Variants in DLGAP1 observed in about 807,000 individuals in gnomAD.
The protein encoded by DLGAP1 is disks large-associated protein 1.
A neutral mutation model predicts 90.8 loss-of-function variants in DLGAP1; 11 were observed. The observed-to-expected ratio is 0.12, with a 90% CI of 0.08 to 0.20. The LOEUF (loss-of-function observed/expected upper bound fraction) is 0.20, where lower values mean the gene tolerates loss of function less well. DLGAP1 is among the 10% of genes least tolerant of loss of function. The pLI is 1.00. For synonymous variants in DLGAP1, 558 were observed against 540.7 expected, an observed-to-expected ratio of 1.03 and a Z score of -0.44; for missense variants, 1,050 against 1,333.8, an observed-to-expected ratio of 0.79 and a Z score of 3.31.
intron 7 of DLGAP1, among the ~76,000 whole-genome samples, chr18:3,654,449 T>C (rs969035740): frequency 1.3e-5 from 2 of 152,196 alleles, no homozygotes; most frequent in African/African-American, 2.4e-5. Context: ...AAAATGAAAA[T>C]TGTATTTTGT....
At chr18:4,411,900 T>G (rs963009167) in intron 1 of DLGAP1, among the ~76,000 whole-genome samples, 8 of 152,164 alleles carry the variant, frequency 5.3e-5, no homozygotes, top group Admixed American at 1.3e-4. Context: ...AACCATCACT[T>G]CTGCCACATT....
intron 1 of DLGAP1, among the ~76,000 whole-genome samples, chr18:4,269,833 A>G (rs897427015): frequency 2.6e-5 from 4 of 152,190 alleles, no homozygotes; most frequent in Non-Finnish European, 5.9e-5. Context: ...AGGGCTGACT[A>G]TGAGTACTAG....
At chr18:4,355,207 C>A (rs1030034051) in intron 1 of DLGAP1, among the ~76,000 whole-genome samples, 1 of 152,132 alleles carries the variant, frequency 6.6e-6, no homozygotes, top group Non-Finnish European at 1.5e-5. Flanking sequence ...TCATAATAGC[C>A]AAAAACTGGA....
intron 9 of DLGAP1, among the ~76,000 whole-genome samples, chr18:3,547,222 AC>A (rs1186827814): frequency 3.7e-5 from 5 of 136,474 alleles, no homozygotes; most frequent in Admixed American, 8.8e-5. Context: ...AATGGCTTGA[AC>A]CCCCGGGGGC....
At chr18:4,174,936 T>G (rs1056352503) in intron 1 of DLGAP1, among the ~76,000 whole-genome samples, 2 of 152,208 alleles carry the variant, frequency 1.3e-5, no homozygotes, top group Non-Finnish European at 2.9e-5. Context: ...GTGAAGGACA[T>G]GATCTCATTT....
chr18:4,329,707 G>A (rs1244731648), intron 1 of DLGAP1, among the ~76,000 whole-genome samples: 2 of 151,888 alleles, frequency 1.3e-5, no homozygotes, highest in Non-Finnish European at 2.9e-5. Flanking sequence ...GAAAACATGG[G>A]TTGCATTTAT....
chr18:4,020,123 T>C (rs1386436848), intron 2 of DLGAP1, among the ~76,000 whole-genome samples: 1 of 152,154 alleles, frequency 6.6e-6, no homozygotes, highest in African/African-American at 2.4e-5. Flanking sequence ...AGCCTCCAAG[T>C]AGCAGGCTTC....
chr18:4,306,176 T>A (rs2080254839), intron 1 of DLGAP1, among the ~76,000 whole-genome samples: 1 of 151,520 alleles, frequency 6.6e-6, no homozygotes, highest in East Asian at 2.0e-4. Flanking sequence ...CTTAACCAGA[T>A]CCCAGGAAGG....
intron 1 of DLGAP1, among the ~76,000 whole-genome samples, chr18:4,185,336 T>C (rs1434701395): frequency 1.3e-5 from 2 of 152,088 alleles, no homozygotes; most frequent in South Asian, 2.1e-4. Flanking sequence ...ACTTGCGTCA[T>C]GGGGGTTTGT....
At chr18:4,040,999 A>T (rs1187694347) in intron 2 of DLGAP1, among the ~76,000 whole-genome samples, 1 of 152,174 alleles carries the variant, frequency 6.6e-6, no homozygotes, top group South Asian at 2.1e-4. Flanking sequence ...CTGAACAGAC[A>T]TGGAGTCCTC....
chr18:4,094,603 CTTTCTTTTTTT>C lies in DLGAP1; in HGVS notation c.-159+56566_-159+56576del, dbSNP rs1568393322. Among the ~76,000 whole-genome samples the C allele has an allele frequency of 2.4e-4, 31 of 131,054 alleles. 1 individual carries two copies. In the South Asian group the frequency reaches 7.2e-3, roughly 30 times the overall value. 86.0% of individuals were successfully genotyped at this position (131,054 alleles called of 152,430 possible). ...TATCTTCCTTCCTTCCTTCCTTTCTCTTTCTTTTTTTTTTTTTTTTGTCTTGTTTTGTCACC... is the reference window on the plus strand; with the variant it reads ...TATCTTCCTTCCTTCCTTCCTTTCTCTTTTTTTTTGTCTTGTTTTGTCACC... On this transcript the variant is annotated intron_variant, in intron 2 of 12. Coordinates refer to ENST00000315677, the MANE Select transcript of DLGAP1 (RefSeq NM_004746.4).
chr18:4,257,272 T>A (rs2078907262), intron 1 of DLGAP1, among the ~76,000 whole-genome samples: 1 of 152,142 alleles, frequency 6.6e-6, no homozygotes, highest in African/African-American at 2.4e-5. Context: ...GCCTAAAGCA[T>A]CAACATGGTA....
At chr18:4,250,990 C>T (rs780415351) in intron 1 of DLGAP1, among the ~76,000 whole-genome samples, 8 of 151,860 alleles carry the variant, frequency 5.3e-5, no homozygotes, top group Non-Finnish European at 1.2e-4. Context: ...TGAAAGAGAT[C>T]ACAAAAACAC....
Position 3,499,356 on chromosome 18 carries a change from C to A in DLGAP1, c.2763G>T (p.Ala921=), listed in dbSNP as rs973664462. ...RAPPPVPKKP[A]KGPAPLIRER... is the part of the protein sequence containing the mutation. ...CCCGGATCAGCGGCGCGGGGCCCTT[C>A]GCCGGCTTCTTTGGCACTGGAGGAG... is the stretch of plus-strand genomic sequence containing the variant. The change falls in exon 13 of 13, where the codon GCG becomes GCT. Residue 921 remains alanine, a synonymous_variant. Coordinates refer to ENST00000315677, the MANE Select transcript of DLGAP1 (RefSeq NM_004746.4). This position sits in a 1 kb window ranked among gnomAD's most constrained non-coding sequence, Gnocchi z 6.4. The A allele has an allele frequency of 1.3e-5, 20 of 1,552,608 alleles. No individual in the cohort carries two copies. Among genetic ancestry groups the A allele is most frequent in the Admixed American group, 2.0e-5 (1 of 51,262 alleles).
At chr18:3,868,661 C>G (rs904911247) in intron 4 of DLGAP1, among the ~76,000 whole-genome samples, 7 of 152,122 alleles carry the variant, frequency 4.6e-5, no homozygotes, top group Admixed American at 4.6e-4. Flanking sequence ...TTAAACCCTT[C>G]CTGTGAATTC....
At chr18:3,548,225 A>T (rs2053171569) in intron 9 of DLGAP1, among the ~76,000 whole-genome samples, 1 of 152,188 alleles carries the variant, frequency 6.6e-6, no homozygotes, top group African/African-American at 2.4e-5. Context: ...GTATACCTTA[A>T]AATGGTTTAA....
At chr18:3,881,997 C>T (rs1369535327) in intron 3 of DLGAP1, among the ~76,000 whole-genome samples, 1 of 152,222 alleles carries the variant, frequency 6.6e-6, no homozygotes, top group Admixed American at 6.5e-5. Flanking sequence ...TCTTCTGTTG[C>T]ATGTTTTCCT....
chr18:4,068,016 T>C (rs990401238), intron 2 of DLGAP1, among the ~76,000 whole-genome samples: 51 of 152,074 alleles, frequency 3.4e-4, no homozygotes, highest in Non-Finnish European at 1.6e-4. Flanking sequence ...ACTGTTTCCA[T>C]TGACACACAT....
chr18:4,143,752 T>A (rs35284513), intron 2 of DLGAP1, among the ~76,000 whole-genome samples: 16,340 of 151,592 alleles, frequency 0.11, 938 homozygotes, highest in East Asian at 0.14. Flanking sequence ...TGGCTCTGAG[T>A]CACAACCAAG....
Sources: gnomAD v4.1 joint callset for allele counts (sites outside exome capture counted in the v4.1 genomes callset) on GRCh38, gnomAD v4.1.1 for gene constraint, Gnocchi (gnomAD v3.1) non-coding constraint, MANE v1.5 for transcripts, NCBI Gene and HGNC (gene_info 2026-07-23, HGNC 2026-07-21) for gene names.